The following ATP2C2 variants were observed in gnomAD, a reference collection of about 807,000 sequenced individuals.
ATP2C2 encodes calcium-transporting ATPase type 2C member 2.
Under a neutral mutation model 110.8 loss-of-function variants are expected in ATP2C2, and 171 were observed. That is an observed-to-expected ratio of 1.54 (90% CI 1.36 to 1.75). The LOEUF is 1.75. Ranked by LOEUF, ATP2C2 falls within the 40% of genes most tolerant of loss-of-function variation. The probability of loss-of-function intolerance (pLI) is 0.00; values close to 1 mark genes in which losing one functional copy is unlikely to be tolerated. For missense variants in ATP2C2, 1,963 were observed against 1,235.0 expected (o/e 1.59, Z -8.84); for synonymous variants, 804 against 508.4 (o/e 1.58, Z -7.82).
chr16:84,441,100 GA>G lies in ATP2C2; in HGVS notation c.1311+148del, dbSNP rs1185022434. ...CCAGGGGTGAGGCTGGCACAGCACTGAAAAAATGGCCTCAAAAGTGATGGAG... is the reference window on the plus strand; with the variant it reads ...CCAGGGGTGAGGCTGGCACAGCACTGAAAAATGGCCTCAAAAGTGATGGAG... On this transcript the variant is annotated intron_variant, in intron 14 of 26. Transcript: ENST00000262429. 6 of 727,502 alleles carry G rather than the reference GA, an allele frequency of 8.2e-6. 1 individual carries two copies. Among genetic ancestry groups the G allele is most frequent in the Non-Finnish European group, 1.2e-5 (5 of 429,176 alleles). 45.1% of individuals were successfully genotyped at this position (727,502 alleles called of 1,614,324 possible). A position where few individuals can be genotyped will look rare whatever the true frequency, so the allele number is the denominator to read the frequency against.
At chr16:84,374,426 G>A (rs1030606048) in intron 1 of ATP2C2, among the ~76,000 whole-genome samples, 4 of 152,120 alleles carry the variant, frequency 2.6e-5, no homozygotes, top group Non-Finnish European at 4.4e-5. Context: ...CCCCCACCCC[G>A]AAAGGTCTGT....
chr16:84,372,264 G>C (rs1284296932), intron 1 of ATP2C2, among the ~76,000 whole-genome samples: 1 of 152,178 alleles, frequency 6.6e-6, no homozygotes, highest in African/African-American at 2.4e-5. Context: ...AGTCAGATTT[G>C]TGTTTTTAAG....
chr16:84,388,694 T>C (rs536019219), intron 1 of ATP2C2, among the ~76,000 whole-genome samples: 77 of 152,356 alleles, frequency 5.1e-4, no homozygotes, highest in African/African-American at 1.7e-3. Context: ...TTCTGACTCT[T>C]GCATTGATTC....
intron 1 of ATP2C2, among the ~76,000 whole-genome samples, chr16:84,389,150 G>A (rs8048205): frequency 6.6e-6 from 1 of 152,042 alleles, no homozygotes; most frequent in South Asian, 2.1e-4. Context: ...ACCCCCAGGG[G>A]CCAAGTGCTT....
chr16:84,431,560 A>G (rs4782624), intron 11 of ATP2C2, among the ~76,000 whole-genome samples: 22,493 of 151,678 alleles, frequency 0.15, 2,297 homozygotes, highest in East Asian at 0.35. Flanking sequence ...GGTTATGGGT[A>G]GAGAGTTGAG....
chr16:84,408,602 A>G lies in ATP2C2; in HGVS notation c.417+108A>G, dbSNP rs1905996391. 7.3e-6 allele frequency: 6 copies of G among 820,116 alleles called. No individual in the cohort carries two copies. In the South Asian group the frequency reaches 7.9e-5, roughly 11 times the overall value. 50.8% of individuals were successfully genotyped at this position (820,116 alleles called of 1,614,324 possible). A position where few individuals can be genotyped will look rare whatever the true frequency, so the allele number is the denominator to read the frequency against. On this transcript the variant is annotated intron_variant, in intron 4 of 26. Transcript: ENST00000262429. ...AAAAAGAGTTTGCTGTAGGGGGGAA[A>G]AAGGAGCATACAGAAGAAAGAAAGG...
chr16:84,399,494 G>T (rs1905192372), intron 2 of ATP2C2, among the ~76,000 whole-genome samples: 1 of 152,162 alleles, frequency 6.6e-6, no homozygotes, highest in African/African-American at 2.4e-5. Context: ...CACTTTTGTT[G>T]CGACCAGAAC....
chr16:84,461,580 G>A, intron 24 of ATP2C2, 134 bp from the exon 25 acceptor site: 1 of 789,284 alleles, frequency 1.3e-6, no homozygotes, highest in Non-Finnish European at 2.2e-6. Flanking sequence ...GGAGGAAGCT[G>A]TGTGACCGAT....
At chr16:84,429,987 C>G (rs1297883956) in intron 11 of ATP2C2, among the ~76,000 whole-genome samples, 1 of 152,184 alleles carries the variant, frequency 6.6e-6, no homozygotes, top group Non-Finnish European at 1.5e-5. Context: ...TAGTCTCTGT[C>G]TGTCACATGG....
At chr16:84,451,373 G>C (rs1461507849) in intron 17 of ATP2C2, among the ~76,000 whole-genome samples, 1 of 152,160 alleles carries the variant, frequency 6.6e-6, no homozygotes, top group Non-Finnish European at 1.5e-5. Flanking sequence ...ATATCAAGCA[G>C]ACAGCAGTGG....
chr16:84,434,509 C>T (rs895671971), intron 11 of ATP2C2, among the ~76,000 whole-genome samples: 1 of 151,772 alleles, frequency 6.6e-6, no homozygotes, highest in African/African-American at 2.4e-5. Context: ...CCATTCTAAT[C>T]AATTTTTGTT....
rs72528189 is a variant in ATP2C2, at chr16:84,412,301, T to TGTGC, written c.515+1537_515+1538insTGCG. Among the ~76,000 whole-genome samples the TGTGC allele has an allele frequency of 8.3e-3, 1,252 of 151,486 alleles. 21 individuals carry two copies. Among genetic ancestry groups the TGTGC allele is most frequent in the African/African-American group, 0.028 (1,155 of 41,270 alleles). On this transcript the variant is annotated intron_variant, in intron 6 of 26. Transcript: ENST00000262429. Reference sequence around the variant, plus strand: ...ACGTGTGTGCACGTATGTGTGTGTGTGAGCATGTCTGCACGTGTGTGTGCG... The same window carrying TGTGC: ...ACGTGTGTGCACGTATGTGTGTGTGTGTGCGAGCATGTCTGCACGTGTGTGTGCG...
intron 14 of ATP2C2, among the ~76,000 whole-genome samples, chr16:84,442,102 T>C (rs1259484529): frequency 2.0e-5 from 3 of 151,958 alleles, no homozygotes; most frequent in Non-Finnish European, 4.4e-5. Context: ...TATGTATAAA[T>C]TGAGGTAGAA....
intron 17 of ATP2C2, among the ~76,000 whole-genome samples, chr16:84,449,100 GGGC>G (rs1910021945): frequency 7.0e-6 from 1 of 142,510 alleles, no homozygotes; most frequent in South Asian, 2.3e-4. Context: ...CATCCCTGAT[GGGC>G]TGAACTGAAC....
At chr16:84,409,640 C>A (rs1906094124) in intron 4 of ATP2C2, among the ~76,000 whole-genome samples, 1 of 152,012 alleles carries the variant, frequency 6.6e-6, no homozygotes, top group African/African-American at 2.4e-5. Flanking sequence ...TTACAGGTGC[C>A]CGCCACCACT....
Position 84,455,068 on chromosome 16 carries a change from A to AGAG in ATP2C2, c.2147+86_2147+88dup. ...CCCTGGAACCTGCTACTGTGGAGAT[A>AGAG]GAGGGGGGGGTCTCGCGGAGTCCCC... On this transcript the variant is annotated intron_variant, in intron 21 of 26. Transcript: ENST00000262429. 1.0e-5 allele frequency: 13 copies of AGAG among 1,250,380 alleles called. No homozygotes were observed. In the South Asian group the frequency reaches 1.8e-4, roughly 17 times the overall value. 77.5% of individuals were successfully genotyped at this position (1,250,380 alleles called of 1,614,324 possible). A position where few individuals can be genotyped will look rare whatever the true frequency, so the allele number is the denominator to read the frequency against.
intron 11 of ATP2C2, among the ~76,000 whole-genome samples, chr16:84,431,142 A>C (rs1908243522): frequency 6.6e-6 from 1 of 152,198 alleles, no homozygotes; most frequent in Admixed American, 6.5e-5. Context: ...GCACACATTA[A>C]TAAAAATAAT....
intron 1 of ATP2C2, among the ~76,000 whole-genome samples, chr16:84,395,331 A>G (rs56718795): frequency 0.02 from 3,050 of 152,058 alleles, 108 homozygotes; most frequent in African/African-American, 0.066. Context: ...GACTTCCTCA[A>G]TCCACCTAGC....
chr16:84,371,301 G>A (rs1909940598), intron 1 of ATP2C2, among the ~76,000 whole-genome samples: 1 of 152,204 alleles, frequency 6.6e-6, no homozygotes, highest in African/African-American at 2.4e-5. Context: ...AGGGTCACTT[G>A]AACCCCAGAG....
Sources: allele counts gnomAD v4.1 joint callset (sites outside exome capture counted in the v4.1 genomes callset), GRCh38; gene constraint gnomAD v4.1.1; transcripts MANE v1.5; gene names NCBI Gene and HGNC (gene_info 2026-07-23, HGNC 2026-07-21).